CTBP2: variants seen among roughly 807,000 people sequenced by gnomAD.
CTBP2 encodes the protein C-terminal-binding protein 2.
In CTBP2, 30 loss-of-function variants were observed where a neutral mutation model predicts 80.3. The ratio of observed to expected loss-of-function variants is 0.37; its 90% CI spans 0.28 to 0.51. The LOEUF (loss-of-function observed/expected upper bound fraction) is 0.51, where lower values mean the gene tolerates loss of function less well. Among genes scored for constraint, CTBP2 ranks in the 20% least tolerant of loss-of-function variants. CTBP2 has a pLI of 0.93. For missense variants in CTBP2, 1,212 were observed against 1,375.3 expected, an observed-to-expected ratio of 0.88 and a Z score of 1.88; for synonymous variants, 594 against 587.4, an observed-to-expected ratio of 1.01 and a Z score of -0.16.
At chr10:125,014,008 C>T (rs911514659) in intron 1 of CTBP2, among the ~76,000 whole-genome samples, 2 of 152,218 alleles carry the variant, frequency 1.3e-5, no homozygotes, top group African/African-American at 4.8e-5. Flanking sequence ...CCTGAGGCTT[C>T]TCACGTGAGG....
intron 1 of CTBP2, among the ~76,000 whole-genome samples, chr10:125,014,562 T>C (rs1367021942): frequency 2.0e-5 from 3 of 152,176 alleles, no homozygotes; most frequent in African/African-American, 7.2e-5. Context: ...GCACACGAGG[T>C]TGACCTTCCT....
In CTBP2 at chr10:125,026,813, T is replaced by A; in HGVS notation, c.947A>T (p.Asp316Val). 1.2e-6 allele frequency: 2 copies of A among 1,613,124 alleles called. No homozygotes were observed. Among genetic ancestry groups the A allele is most frequent in the South Asian group, 2.2e-5 (2 of 91,068 alleles). Reference sequence around the variant, plus strand: ...CAGGGTAGCCAGGACGGCCGGGGAGTCAAAGCCCTGCTGCAGTAGGGCTCC... The same window carrying A: ...CAGGGTAGCCAGGACGGCCGGGGAGACAAAGCCCTGCTGCAGTAGGGCTCC... Residue 316 changes from aspartate to valine, a missense_variant, in exon 1 of 9, where the codon GAC becomes GTC. This residue lies in a region of CTBP2 where 848 missense variants were observed against 782.3 expected (regional missense o/e 1.08). Transcript: ENST00000309035.
chr10:125,039,759 T>C (rs1381064531), intron 2 of CTBP2, among the ~76,000 whole-genome samples: 2 of 152,198 alleles, frequency 1.3e-5, no homozygotes, highest in East Asian at 3.8e-4. Context: ...TTCCTGAACC[T>C]TCCTTGCAGC....
intron 2 of CTBP2, among the ~76,000 whole-genome samples, chr10:125,045,891 C>A (rs931157310): frequency 4.6e-5 from 7 of 152,014 alleles, no homozygotes; most frequent in African/African-American, 1.7e-4. Flanking sequence ...GCAGCCCAAC[C>A]CCAGAGTGAC....
chr10:125,040,454 TAAA>T (rs747855375), intron 2 of CTBP2, among the ~76,000 whole-genome samples: 31,830 of 104,034 alleles, frequency 0.31, 4,625 homozygotes, highest in Middle Eastern at 0.4. Context: ...ACTCTGTCTT[TAAA>T]AAAAAAAAAA....
At chr10:125,144,166 C>T (rs537164426) in intron 1 of CTBP2, among the ~76,000 whole-genome samples, 2 of 152,304 alleles carry the variant, frequency 1.3e-5, no homozygotes, top group African/African-American at 4.8e-5. Flanking sequence ...CACCTTTCAA[C>T]CCGGGGGACT....
At position 125,123,710 on chromosome 10, in the gene CTBP2, C is replaced by T. The variant is rs77904871; in HGVS notation, c.-205-12617G>A. On this transcript the variant is annotated intron_variant, in intron 1 of 10. Coordinates refer to the CTBP2 transcript ENST00000337195. ...GGGCCCCGGGGTGCATCCTGTCTCT[C>T]GAGAAGCCAGAGCTCACAATTCCTG... 5.3e-3 allele frequency among the ~76,000 whole-genome samples: 812 copies of T among 152,272 alleles called. 7 individuals carry two copies. Among genetic ancestry groups the T allele is most frequent in the African/African-American group, 0.019 (776 of 41,556 alleles).
chr10:125,099,806 G>C (rs1303532605), intron 2 of CTBP2, among the ~76,000 whole-genome samples: 1 of 152,214 alleles, frequency 6.6e-6, no homozygotes, highest in Non-Finnish European at 1.5e-5. Context: ...TCCAGGCTAG[G>C]ACGGAGTAGG....
At chr10:125,036,697 GTGTGTGTGTGTGTGTGTGTT>G (rs1333563009) in intron 3 of CTBP2, among the ~76,000 whole-genome samples, 2,333 of 121,414 alleles carry the variant, frequency 0.019, 33 homozygotes, top group African/African-American at 0.05. Context: ...GTGTGTGTGT[GTGTGTGTGTGTGTGTGTGTT>G]TGTGTGTGTT....
At chr10:124,997,896 G>T (rs917394435) in intron 4 of CTBP2, 68 bp downstream of exon 6, 10 of 1,523,010 alleles carry the variant, frequency 6.6e-6, no homozygotes, top group Non-Finnish European at 8.9e-6. Flanking sequence ...TGCCTTTCCC[G>T]AGGGGTCCCC....
chr10:125,063,906 G>A (rs368112812), intron 2 of CTBP2, among the ~76,000 whole-genome samples: 2 of 151,850 alleles, frequency 1.3e-5, no homozygotes, highest in Admixed American at 6.6e-5. Flanking sequence ...CATCAGGCAC[G>A]GTTTTCCCCC....
intron 2 of CTBP2, among the ~76,000 whole-genome samples, chr10:125,099,968 T>C (rs1314733264): frequency 1.3e-5 from 2 of 152,188 alleles, no homozygotes; most frequent in Admixed American, 1.3e-4. Context: ...CAGCCTTAAA[T>C]TTGACACTGC....
rs1589863178 is a variant in CTBP2, at chr10:124,987,532, C to T, written c.*1986G>A. ...AAGATATTCTGTGTGCGCTTGGCCT[C>T]CTTTTCACGCATATTTCATTGCCTC... On this transcript the variant is annotated 3_prime_UTR_variant, in exon 9 of 9. Coordinates refer to ENST00000309035, the MANE Select transcript of CTBP2 (RefSeq NM_022802.3). 6.6e-6 allele frequency: 1 copy of T among 152,290 alleles called. No homozygotes were observed. The highest frequency in any genetic ancestry group is 1.5e-5 in the Non-Finnish European group (1 of 68,036). The allele number at this position is 152,290 out of a possible 1,614,324, so 9.4% of individuals were successfully genotyped here.
intron 1 of CTBP2, among the ~76,000 whole-genome samples, chr10:125,150,570 T>C: frequency 6.6e-6 from 1 of 151,918 alleles, no homozygotes; most frequent in Non-Finnish European, 1.5e-5. Flanking sequence ...GCGAAGTTGG[T>C]AGTAACTAGC....
chr10:125,091,049 A>G (rs57847528), intron 2 of CTBP2, among the ~76,000 whole-genome samples: 2,308 of 152,356 alleles, frequency 0.015, 63 homozygotes, highest in East Asian at 0.058. Context: ...GCTAGCATAC[A>G]TGGTTCTGCC....
chr10:125,134,663 C>T (rs1449065645), intron 1 of CTBP2, among the ~76,000 whole-genome samples: 1 of 152,148 alleles, frequency 6.6e-6, no homozygotes, highest in Non-Finnish European at 1.5e-5. Flanking sequence ...CCCAGACACG[C>T]GGCGCGGGAG....
intron 8 of CTBP2, 59 bp from the exon 11 acceptor site, chr10:124,989,757 G>T: frequency 6.8e-7 from 1 of 1,468,460 alleles, no homozygotes; most frequent in South Asian, 1.4e-5. Context: ...CAAGCTCTTG[G>T]CTCTTCTACT....
rs1233231898 is a variant in CTBP2, at chr10:125,082,832, G to A, written c.-102+28158C>T. On this transcript the variant is annotated intron_variant, in intron 2 of 10. Coordinates refer to the CTBP2 transcript ENST00000337195. Reference sequence around the variant, plus strand: ...TCGAATGCCAGACCTCAAATGATCCGCTCGCCTCGGCCTCCTGAAGTGCTG... The same window carrying A: ...TCGAATGCCAGACCTCAAATGATCCACTCGCCTCGGCCTCCTGAAGTGCTG... Among the ~76,000 whole-genome samples, 7 of 152,182 alleles carry A rather than the reference G, an allele frequency of 4.6e-5. No homozygotes were observed. The East Asian group carries it at 5.8e-4, about 13-fold the overall frequency.
At chr10:125,051,753 A>C (rs1051642662) in intron 2 of CTBP2, among the ~76,000 whole-genome samples, 2 of 152,190 alleles carry the variant, frequency 1.3e-5, no homozygotes, top group African/African-American at 4.8e-5. Flanking sequence ...ATTATGTTAA[A>C]GTTCTAAGCC....
Sources: gnomAD v4.1 joint callset for allele counts (sites outside exome capture counted in the v4.1 genomes callset) on GRCh38, gnomAD v4.1.1 for gene constraint, gnomAD v4.1.1 regional missense constraint, MANE v1.5 for transcripts, NCBI Gene and HGNC (gene_info 2026-07-23, HGNC 2026-07-21) for gene names.